Variants in ERC2 observed in about 807,000 individuals in gnomAD.
ERC2 encodes the protein ERC protein 2.
Under a neutral mutation model 114.8 loss-of-function variants are expected in ERC2, and 42 were observed. The ratio of observed to expected loss-of-function variants is 0.37; its 90% CI spans 0.29 to 0.47. The LOEUF (loss-of-function observed/expected upper bound fraction) is 0.47. ERC2 is among the 20% of genes least tolerant of loss of function. The pLI is 0.99. For missense variants in ERC2, 939 were observed against 1,150.7 expected (o/e 0.82, Z 2.66); for synonymous variants, 454 against 425.5 (o/e 1.07, Z -0.82).
intron 4 of ERC2, among the ~76,000 whole-genome samples, chr3:56,167,131 C>T (rs965409021): frequency 5.9e-5 from 9 of 152,240 alleles, no homozygotes; most frequent in African/African-American, 2.2e-4. Context: ...CAAATGCTAC[C>T]TTCTCCAAAA....
intron 14 of ERC2, among the ~76,000 whole-genome samples, chr3:55,877,109 C>T (rs7625888): frequency 0.38 from 58,395 of 152,070 alleles, 14,628 homozygotes; most frequent in African/African-American, 0.71. Flanking sequence ...GTTACAGGTT[C>T]CTCAACCTCA....
chr3:55,767,178 C>T (rs1163559605), intron 14 of ERC2, among the ~76,000 whole-genome samples: 1 of 152,178 alleles, frequency 6.6e-6, no homozygotes, highest in African/African-American at 2.4e-5. Context: ...ATTCACTAGT[C>T]ATGCAGATAA....
chr3:56,159,955 T>G (rs193036863), intron 4 of ERC2, among the ~76,000 whole-genome samples: 2 of 152,340 alleles, frequency 1.3e-5, no homozygotes, highest in African/African-American at 2.4e-5. Flanking sequence ...TGGTGAATAC[T>G]GTTGCGATGA....
At chr3:56,084,724 A>G (rs1056837235) in intron 6 of ERC2, among the ~76,000 whole-genome samples, 1 of 152,048 alleles carries the variant, frequency 6.6e-6, no homozygotes, top group African/African-American at 2.4e-5. Context: ...TGTGAGGAGG[A>G]TGAGGAATAA....
intron 3 of ERC2, among the ~76,000 whole-genome samples, chr3:56,246,740 A>G (rs563740109): frequency 3.9e-5 from 6 of 152,208 alleles, no homozygotes; most frequent in Non-Finnish European, 8.8e-5. Context: ...AGTCAACACC[A>G]GTAGAACAGG....
chr3:56,247,167 C>A (rs911707772), intron 3 of ERC2, among the ~76,000 whole-genome samples: 2 of 152,196 alleles, frequency 1.3e-5, no homozygotes, highest in African/African-American at 4.8e-5. Context: ...CCAGCTACAA[C>A]ATGACATTAA....
chr3:55,952,177 A>ACTCT (rs1461348892), intron 12 of ERC2, among the ~76,000 whole-genome samples: 5 of 38,682 alleles, frequency 1.3e-4, no homozygotes, highest in Non-Finnish European at 2.5e-4. Flanking sequence ...ACACACACAC[A>ACTCT]CACTCTCTCT....
At chr3:56,226,497 T>A (rs947462127) in intron 3 of ERC2, among the ~76,000 whole-genome samples, 1 of 152,180 alleles carries the variant, frequency 6.6e-6, no homozygotes, top group African/African-American at 2.4e-5. Flanking sequence ...AAAACTGCAG[T>A]GTGCTATGAC....
At position 55,544,690 on chromosome 3, in the gene ERC2, A is replaced by G. The variant is rs57753459; in HGVS notation, c.*40-33414T>C. On this transcript the variant is annotated intron_variant, in intron 17 of 17. Transcript: ENST00000288221. The stretch of plus-strand genomic sequence containing the variant: ...CATAATATAAAACAGCTTAAAGTCA[A>G]GAAGCCCCTTCTGAGACCCTTACCA... Among the ~76,000 whole-genome samples, 797 of 152,306 alleles carry G rather than the reference A, an allele frequency of 5.2e-3. 7 individuals are homozygous for G. Among genetic ancestry groups the G allele is most frequent in the African/African-American group, 0.018 (762 of 41,554 alleles).
At chr3:55,765,351 C>T (rs934384374) in intron 14 of ERC2, among the ~76,000 whole-genome samples, 1 of 152,130 alleles carries the variant, frequency 6.6e-6, no homozygotes, top group Non-Finnish European at 1.5e-5. Flanking sequence ...ATTAAATTGC[C>T]CATCCATCTC....
At chr3:55,984,336 T>TA (rs1389350996) in intron 12 of ERC2, among the ~76,000 whole-genome samples, 2 of 151,136 alleles carry the variant, frequency 1.3e-5, no homozygotes, top group Non-Finnish European at 3.0e-5. Flanking sequence ...TCCTAGAGCA[T>TA]AAAAAACCAC....
chr3:55,670,449 G>A lies in ERC2; in HGVS notation c.*39+13345C>T, dbSNP rs535413223. On this transcript the variant is annotated intron_variant, in intron 17 of 17. Transcript: ENST00000288221. ...GGCCCATCTTCCCCTTCCCATGAGG[G>A]GAGTTTGTTGGGGAGCTTGAAGACT... Among the ~76,000 whole-genome samples, 4 of 152,328 alleles carry A rather than the reference G, an allele frequency of 2.6e-5. No homozygotes were observed. In the East Asian group the frequency reaches 7.7e-4, roughly 29 times the overall value.
chr3:55,711,600 G>C lies in ERC2; in HGVS notation c.2713-12088C>G, dbSNP rs1458076185. On this transcript the variant is annotated intron_variant, in intron 15 of 17. Coordinates refer to ENST00000288221, the MANE Select transcript of ERC2 (RefSeq NM_015576.3). Reference sequence around the variant, plus strand: ...TTCAAATAGAGACTCCAAAAGGGAAGATATCTTTTTTTCATTTTATTCCAA... The same window carrying C: ...TTCAAATAGAGACTCCAAAAGGGAACATATCTTTTTTTCATTTTATTCCAA... 5.9e-5 allele frequency among the ~76,000 whole-genome samples: 9 copies of C among 152,316 alleles called. No homozygotes were observed. In the East Asian group the frequency reaches 1.7e-3, roughly 29 times the overall value.
intron 17 of ERC2, among the ~76,000 whole-genome samples, chr3:55,673,170 C>T (rs1197895001): frequency 6.6e-6 from 1 of 152,172 alleles, no homozygotes; most frequent in Non-Finnish European, 1.5e-5. Context: ...GCCAATTGTA[C>T]TGAGCCCAAA....
chr3:55,546,831 T>A (rs2107381256), intron 17 of ERC2, among the ~76,000 whole-genome samples: 1 of 152,340 alleles, frequency 6.6e-6, no homozygotes. Context: ...TTACAACTTA[T>A]GTGGGAAACG....
chr3:55,744,586 G>A (rs969566821), intron 14 of ERC2, among the ~76,000 whole-genome samples: 6 of 152,070 alleles, frequency 3.9e-5, no homozygotes, highest in Admixed American at 6.6e-5. Flanking sequence ...GACCGATTGC[G>A]GGCCACCGCT....
At chr3:55,803,864 G>C (rs74763944) in intron 14 of ERC2, among the ~76,000 whole-genome samples, 1,898 of 152,232 alleles carry the variant, frequency 0.012, 17 homozygotes, top group Middle Eastern at 0.027. Context: ...AATCTAGGGA[G>C]AGCAAAACCT....
chr3:56,151,862 T>C (rs773061974), intron 4 of ERC2, among the ~76,000 whole-genome samples: 2 of 152,190 alleles, frequency 1.3e-5, no homozygotes, highest in African/African-American at 4.8e-5. Context: ...TGAAGACATA[T>C]GTTGTAACTT....
At chr3:56,174,816 A>G (rs1211465311) in intron 3 of ERC2, among the ~76,000 whole-genome samples, 3 of 152,190 alleles carry the variant, frequency 2.0e-5, no homozygotes, top group Admixed American at 2.0e-4. Context: ...TGTCTCTACT[A>G]AAAATACAAA....
Sources: allele counts gnomAD v4.1 joint callset (sites outside exome capture counted in the v4.1 genomes callset), GRCh38; gene constraint gnomAD v4.1.1; transcripts MANE v1.5; gene names NCBI Gene and HGNC (gene_info 2026-07-23, HGNC 2026-07-21).